Variants in SYN3 observed in about 807,000 individuals in gnomAD.
The protein encoded by SYN3 is synapsin III, also known as synapsin-3.
Under a neutral mutation model 65.8 loss-of-function variants are expected in SYN3, and 35 were observed. The ratio of observed to expected loss-of-function variants is 0.53; its 90% CI spans 0.41 to 0.70. The LOEUF (loss-of-function observed/expected upper bound fraction) is 0.70, where lower values mean the gene tolerates loss of function less well. Ranked by LOEUF, SYN3 falls within the 30% of genes least tolerant of loss-of-function variation. SYN3 has a pLI of 0.00. For missense variants in SYN3, 680 were observed against 749.0 expected (o/e 0.91, Z 1.08); for synonymous variants, 270 against 292.9 (o/e 0.92, Z 0.80).
intron 5 of SYN3, among the ~76,000 whole-genome samples, chr22:32,868,393 CAT>C (rs1302183391): frequency 1.3e-5 from 2 of 150,968 alleles, no homozygotes; most frequent in African/African-American, 4.9e-5. Context: ...TTACATGTAA[CAT>C]GTATAATATA....
chr22:32,787,213 A>G (rs1220715958), intron 6 of SYN3, among the ~76,000 whole-genome samples: 1 of 151,676 alleles, frequency 6.6e-6, no homozygotes, highest in Non-Finnish European at 1.5e-5. Flanking sequence ...ACACCCGGCT[A>G]ATTTTTGTAT....
chr22:32,821,436 G>T (rs2047243654), intron 6 of SYN3, among the ~76,000 whole-genome samples: 1 of 152,204 alleles, frequency 6.6e-6, no homozygotes, highest in African/African-American at 2.4e-5. Flanking sequence ...AGTCAAAGAA[G>T]GTGGGTGTGG....
chr22:32,913,957 C>T (rs544339013), intron 4 of SYN3, among the ~76,000 whole-genome samples: 9 of 152,306 alleles, frequency 5.9e-5, no homozygotes, highest in South Asian at 2.1e-4. Flanking sequence ...CGACAATAAT[C>T]GTAGCTAAGA....
At position 32,510,930 on chromosome 22, in the gene SYN3, C is replaced by T. The variant is rs1036963709; in HGVS notation, c.*2762G>A. 8.0e-5 allele frequency among the ~76,000 whole-genome samples: 12 copies of T among 150,814 alleles called. No homozygotes were observed. The highest frequency in any genetic ancestry group is 2.9e-4 in the African/African-American group (12 of 40,786). ...TTATCAGAGAACTATGAACTCATAG[C>T]GAGGTGACAGGATTTTAGGATGTGC... On this transcript the variant is annotated 3_prime_UTR_variant, in exon 14 of 14. Coordinates refer to ENST00000358763, the MANE Select transcript of SYN3 (RefSeq NM_003490.4).
chr22:32,616,419 C>T (rs117794908), intron 6 of SYN3, among the ~76,000 whole-genome samples: 75 of 152,298 alleles, frequency 4.9e-4, no homozygotes, highest in Admixed American at 9.8e-4. Context: ...TCATTGCTGA[C>T]ACCTGGTGAT....
rs1038631796 is a variant in SYN3 at position 32,964,318 on chromosome 22, T to C, written c.369+16327A>G. On this transcript the variant is annotated intron_variant, in intron 3 of 13. Coordinates refer to ENST00000358763, the MANE Select transcript of SYN3 (RefSeq NM_003490.4). ...GGGGGGAGGGATAGCATTAACATGT[T>C]AAATGACGAGTTAATGGGTGCAGCA... Among the ~76,000 whole-genome samples the C allele has an allele frequency of 4.7e-5, 7 of 149,400 alleles. 1 individual carries two copies. The highest frequency in any genetic ancestry group is 4.0e-4 in the East Asian group (2 of 4,966).
At chr22:32,959,021 C>T (rs557240474) in intron 3 of SYN3, among the ~76,000 whole-genome samples, 6 of 152,110 alleles carry the variant, frequency 3.9e-5, no homozygotes, top group Non-Finnish European at 7.4e-5. Context: ...GGTGAAACCC[C>T]ATCTCTACTA....
chr22:32,767,247 A>G (rs1602098790), intron 6 of SYN3, among the ~76,000 whole-genome samples: 1 of 152,168 alleles, frequency 6.6e-6, no homozygotes, highest in East Asian at 1.9e-4. Context: ...CTGACCCTCA[A>G]GTAGCCTTCT....
At chr22:32,526,929 C>T (rs2057987804) in intron 12 of SYN3, among the ~76,000 whole-genome samples, 1 of 151,996 alleles carries the variant, frequency 6.6e-6, no homozygotes, top group Non-Finnish European at 1.5e-5. Flanking sequence ...GCGAGTGTGC[C>T]CAGGAGGTTT....
At chr22:32,516,162 T>G (rs985129805) in intron 13 of SYN3, among the ~76,000 whole-genome samples, 1 of 152,076 alleles carries the variant, frequency 6.6e-6, no homozygotes, top group Admixed American at 6.5e-5. Context: ...TACTCCTGTG[T>G]GTGTGAGAAA....
chr22:32,572,801 G>A (rs779092143), intron 7 of SYN3, among the ~76,000 whole-genome samples: 3 of 152,120 alleles, frequency 2.0e-5, no homozygotes, highest in African/African-American at 7.2e-5. Context: ...ACTCCAGCTC[G>A]TGTCTTCCAC....
intron 6 of SYN3, among the ~76,000 whole-genome samples, chr22:32,802,740 T>G (rs2046623810): frequency 3.3e-5 from 5 of 152,160 alleles, no homozygotes; most frequent in Non-Finnish European, 1.5e-5. Context: ...ACCCACGCCC[T>G]GGAGGCACTG....
chr22:33,052,006 C>T (rs2054175049), intron 1 of SYN3, among the ~76,000 whole-genome samples: 1 of 152,090 alleles, frequency 6.6e-6, no homozygotes, highest in Admixed American at 6.5e-5. Context: ...ACAGTGTCTG[C>T]TAAAACTTGG....
chr22:32,628,678 G>A (rs1238858481), intron 6 of SYN3, among the ~76,000 whole-genome samples: 1 of 152,056 alleles, frequency 6.6e-6, no homozygotes, highest in African/African-American at 2.4e-5. Flanking sequence ...AACCTAGGAG[G>A]CAGAGGTTGC....
Position 32,541,752 on chromosome 22 carries a change from C to T in SYN3, c.775-39G>A, listed in dbSNP as rs548269854. ...TGAGGGGGATGAGTGCCACCCACCC[C>T]GTGTTCACTGAGCCCACCCTATGCC... On this transcript the variant is annotated intron_variant, in intron 7 of 13. Coordinates refer to ENST00000358763, the MANE Select transcript of SYN3 (RefSeq NM_003490.4). 3.7e-4 allele frequency: 590 copies of T among 1,601,824 alleles called. 4 individuals carry two copies. In the South Asian group the frequency reaches 5.8e-3, roughly 16 times the overall value.
chr22:32,928,355 CATTT>C (rs1472939764), intron 4 of SYN3, among the ~76,000 whole-genome samples: 2 of 152,046 alleles, frequency 1.3e-5, no homozygotes, highest in Non-Finnish European at 2.9e-5. Flanking sequence ...AAAGAAAATG[CATTT>C]ATTACCCCTA....
At chr22:33,033,220 C>T (rs1415229998) in intron 1 of SYN3, among the ~76,000 whole-genome samples, 3 of 152,022 alleles carry the variant, frequency 2.0e-5, no homozygotes, top group Non-Finnish European at 4.4e-5. Flanking sequence ...AGGCTGATCT[C>T]GAACTCCTGA....
At position 32,519,807 on chromosome 22, in the gene SYN3, G is replaced by C. The variant is rs2057846321; in HGVS notation, c.1319-1473C>G. 2.0e-5 allele frequency: 3 copies of C among 152,226 alleles called. No individual in the cohort carries two copies. The South Asian group carries it at 6.2e-4, about 32-fold the overall frequency. The allele number at this position is 152,226 out of a possible 1,614,324, so 9.4% of individuals were successfully genotyped here. ...CCTACGACATGCTGCTGCTGGGAGAGTGGGGTTATTCTTGCCACGTTTTTT... is the reference window on the plus strand; with the variant it reads ...CCTACGACATGCTGCTGCTGGGAGACTGGGGTTATTCTTGCCACGTTTTTT... On this transcript the variant is annotated intron_variant, in intron 12 of 13. Coordinates refer to ENST00000358763, the MANE Select transcript of SYN3 (RefSeq NM_003490.4).
At chr22:32,843,835 C>A (rs1007714396) in intron 6 of SYN3, among the ~76,000 whole-genome samples, 1 of 152,132 alleles carries the variant, frequency 6.6e-6, no homozygotes, top group Non-Finnish European at 1.5e-5. Flanking sequence ...ACTAACCAGA[C>A]GTCCCTTACT....
Sources: gnomAD v4.1 joint callset for allele counts (sites outside exome capture counted in the v4.1 genomes callset) on GRCh38, gnomAD v4.1.1 for gene constraint, MANE v1.5 for transcripts, NCBI Gene and HGNC (gene_info 2026-07-23, HGNC 2026-07-21) for gene names.